MAML2: variants seen among roughly 807,000 people sequenced by gnomAD.
MAML2 encodes the protein mastermind like transcriptional coactivator 2.
MAML2 carries 22 observed loss-of-function variants against 96.1 expected under a neutral mutation model. The ratio of observed to expected loss-of-function variants is 0.23; its 90% confidence interval spans 0.16 to 0.33. The LOEUF (loss-of-function observed/expected upper bound fraction) is 0.33, where lower values mean the gene tolerates loss of function less well. MAML2 is among the 10% of genes least tolerant of loss of function. The pLI, the probability that MAML2 is intolerant of heterozygous loss-of-function variation, is 1.00. For missense variants in MAML2, 1,367 were observed against 1,392.4 expected (o/e 0.98, Z 0.29); for synonymous variants, 561 against 521.3 (o/e 1.08, Z -1.04).
intron 2 of MAML2, among the ~76,000 whole-genome samples, chr11:96,022,262 G>A (rs578191249): frequency 1.3e-5 from 2 of 152,174 alleles, no homozygotes; most frequent in Non-Finnish European, 2.9e-5. Context: ...TCCATCGCTA[G>A]CTCCCGTCCT....
chr11:96,166,116 CTCTCTGTCTCTCTT>C (rs1311455993), intron 1 of MAML2, among the ~76,000 whole-genome samples: 32 of 149,186 alleles, frequency 2.1e-4, no homozygotes, highest in East Asian at 3.9e-4. Context: ...CTGTCTCTTC[CTCTCTGTCTCTCTT>C]TCTCTGTCTC....
intron 1 of MAML2, among the ~76,000 whole-genome samples, chr11:96,139,840 A>T (rs951579921): frequency 6.6e-6 from 1 of 152,112 alleles, no homozygotes; most frequent in African/African-American, 2.4e-5. Flanking sequence ...GGCCTTTGAA[A>T]TTTCCGTCTC....
chr11:96,248,628 C>T (rs1188143389), intron 1 of MAML2, among the ~76,000 whole-genome samples: 1 of 152,044 alleles, frequency 6.6e-6, no homozygotes, highest in Non-Finnish European at 1.5e-5. Flanking sequence ...ATTGATTTCC[C>T]CCTCTAATTG....
intron 1 of MAML2, among the ~76,000 whole-genome samples, chr11:96,210,470 GTTAC>G (rs1861954764): frequency 6.6e-6 from 1 of 152,126 alleles, no homozygotes; most frequent in African/African-American, 2.4e-5. Context: ...TGATTTATCA[GTTAC>G]TTACTAATTA....
intron 1 of MAML2, among the ~76,000 whole-genome samples, chr11:96,311,505 G>C (rs768168957): frequency 7.9e-5 from 12 of 152,188 alleles, no homozygotes; most frequent in Non-Finnish European, 1.8e-4. Context: ...TAGTAGCAGA[G>C]GGTTGGTGCT....
intron 1 of MAML2, among the ~76,000 whole-genome samples, chr11:96,128,349 A>G (rs1465319344): frequency 6.6e-6 from 1 of 152,108 alleles, no homozygotes; most frequent in East Asian, 1.9e-4. Flanking sequence ...AGCCAAGATC[A>G]TGCCACTGCA....
At chr11:96,115,093 C>A (rs530938032) in intron 1 of MAML2, among the ~76,000 whole-genome samples, 14 of 151,802 alleles carry the variant, frequency 9.2e-5, no homozygotes, top group Non-Finnish European at 1.8e-4. Context: ...TCCAAAGATA[C>A]AAGGTAGTGA....
At chr11:96,299,060 A>ATATATATAT (rs1555037072) in intron 1 of MAML2, among the ~76,000 whole-genome samples, 75 of 56,324 alleles carry the variant, frequency 1.3e-3, no homozygotes, top group African/African-American at 4.9e-3. Flanking sequence ...AAAAAAAAAA[A>ATATATATAT]ATATATATAT....
At chr11:96,085,577 T>A (rs1202497535) in intron 2 of MAML2, among the ~76,000 whole-genome samples, 1 of 152,202 alleles carries the variant, frequency 6.6e-6, no homozygotes, top group Non-Finnish European at 1.5e-5. Flanking sequence ...GATTTTCCAT[T>A]AACCCTCTTG....
At chr11:96,181,058 G>A (rs951546645) in intron 1 of MAML2, among the ~76,000 whole-genome samples, 4 of 152,094 alleles carry the variant, frequency 2.6e-5, no homozygotes, top group Non-Finnish European at 5.9e-5. Flanking sequence ...TTAAGGCAAG[G>A]ACCGGCCATT....
At chr11:96,274,077 CTTTTTTTTTTTTTT>C (rs992096555) in intron 1 of MAML2, among the ~76,000 whole-genome samples, 1 of 91,792 alleles carries the variant, frequency 1.1e-5, no homozygotes, top group Non-Finnish European at 2.1e-5. Flanking sequence ...TTTCCTTTTC[CTTTTTTTTTTTTTT>C]TTTTTTTTTT....
chr11:96,240,934 G>C (rs547993802), intron 1 of MAML2, among the ~76,000 whole-genome samples: 1 of 152,100 alleles, frequency 6.6e-6, no homozygotes, highest in Non-Finnish European at 1.5e-5. Flanking sequence ...ATTCCCTGTA[G>C]GGTATGTAGG....
At position 96,222,955 on chromosome 11, in the gene MAML2, C is replaced by T. The variant is rs139968014; in HGVS notation, c.513+118428G>A. Among the ~76,000 whole-genome samples the T allele has an allele frequency of 3.4e-3, 519 of 151,768 alleles. 3 individuals are homozygous for T. The highest frequency in any genetic ancestry group is 0.014 in the South Asian group (68 of 4,802). ...ATACTTTGAATTTTGCCTTTTTTCC[C>T]AGAAAACTGAAGATTTTAGAAGAAA... On this transcript the variant is annotated intron_variant, in intron 1 of 4. Coordinates refer to ENST00000524717, the MANE Select transcript of MAML2 (RefSeq NM_032427.4).
At chr11:96,011,131 T>A (rs1017061950) in intron 2 of MAML2, among the ~76,000 whole-genome samples, 2 of 152,212 alleles carry the variant, frequency 1.3e-5, no homozygotes, top group African/African-American at 4.8e-5. Flanking sequence ...GTGGGAATTG[T>A]AGTTCAGCCA....
At chr11:96,222,204 C>G (rs1317589947) in intron 1 of MAML2, among the ~76,000 whole-genome samples, 1 of 152,170 alleles carries the variant, frequency 6.6e-6, no homozygotes, top group Non-Finnish European at 1.5e-5. Flanking sequence ...TCAGGGATAG[C>G]ACTATGCTTG....
At chr11:96,318,406 A>G (rs1000290206) in intron 1 of MAML2, among the ~76,000 whole-genome samples, 8 of 152,240 alleles carry the variant, frequency 5.3e-5, no homozygotes, top group African/African-American at 1.9e-4. Flanking sequence ...TCCTCACTTT[A>G]GCTATCAAAG....
intron 1 of MAML2, among the ~76,000 whole-genome samples, chr11:96,291,027 GA>G (rs57652535): frequency 0.27 from 40,071 of 145,864 alleles, 5,436 homozygotes; most frequent in East Asian, 0.34. Flanking sequence ...AAAAAAACTT[GA>G]AAAAAAGTTG....
intron 2 of MAML2, among the ~76,000 whole-genome samples, chr11:96,034,432 T>TGAGAGAGAGAGA (rs371921984): frequency 3.7e-5 from 5 of 135,650 alleles, no homozygotes; most frequent in African/African-American, 8.6e-5. Context: ...TGTGTGTGTG[T>TGAGAGAGAGAGA]GAGAGAGAGA....
intron 1 of MAML2, among the ~76,000 whole-genome samples, chr11:96,297,768 T>C (rs768241792): frequency 1.2e-4 from 18 of 152,200 alleles, no homozygotes; most frequent in Non-Finnish European, 2.5e-4. Context: ...TTCCCTACAT[T>C]GTTCTTGCTG....
Sources: gnomAD v4.1 joint callset for allele counts (sites outside exome capture counted in the v4.1 genomes callset) on GRCh38, gnomAD v4.1.1 for gene constraint, MANE v1.5 for transcripts, NCBI Gene and HGNC (gene_info 2026-07-23, HGNC 2026-07-21) for gene names.